Variants in CTTNBP2 observed in about 807,000 individuals in gnomAD.
CTTNBP2 encodes cortactin-binding protein 2.
Under a neutral mutation model 156.9 loss-of-function variants are expected in CTTNBP2, and 108 were observed. That is an observed-to-expected ratio of 0.69 (90% CI 0.59 to 0.81). The LOEUF (loss-of-function observed/expected upper bound fraction) is 0.81, where lower values mean the gene tolerates loss of function less well. CTTNBP2 is among the 30% of genes least tolerant of loss of function. The pLI, the probability that CTTNBP2 is intolerant of heterozygous loss-of-function variation, is 0.00. For synonymous variants in CTTNBP2, 767 were observed against 751.8 expected (o/e 1.02, Z -0.33); for missense variants, 1,924 against 2,035.4 (o/e 0.95, Z 1.05).
intron 8 of CTTNBP2, among the ~76,000 whole-genome samples, chr7:117,768,721 C>A (rs1198366305): frequency 2.0e-5 from 3 of 152,114 alleles, no homozygotes; most frequent in Admixed American, 2.0e-4. Context: ...ACTCCTCCAT[C>A]CCCCGCAGAG....
chr7:117,830,860 C>G (rs1001788793), intron 2 of CTTNBP2, among the ~76,000 whole-genome samples: 1 of 152,096 alleles, frequency 6.6e-6, no homozygotes, highest in South Asian at 2.1e-4. Context: ...AAGGTCATAA[C>G]AAGGATTTAT....
chr7:117,738,833 G>A (rs1418121617), intron 14 of CTTNBP2, among the ~76,000 whole-genome samples: 1 of 152,104 alleles, frequency 6.6e-6, no homozygotes, highest in African/African-American at 2.4e-5. Flanking sequence ...GGCATGCTGG[G>A]GTCTCTTGGA....
At chr7:117,744,064 T>G (rs1315279275) in intron 14 of CTTNBP2, among the ~76,000 whole-genome samples, 2 of 152,130 alleles carry the variant, frequency 1.3e-5, no homozygotes, top group Non-Finnish European at 2.9e-5. Context: ...TGTATTTGTG[T>G]GTCTATGAGG....
intron 2 of CTTNBP2, among the ~76,000 whole-genome samples, chr7:117,846,347 GT>G (rs1802586622): frequency 6.6e-6 from 1 of 152,082 alleles, no homozygotes; most frequent in Non-Finnish European, 1.5e-5. Flanking sequence ...ATATAAAACT[GT>G]TGTATAACTC....
intron 8 of CTTNBP2, among the ~76,000 whole-genome samples, chr7:117,776,867 G>C (rs1798130305): frequency 1.3e-5 from 2 of 152,208 alleles, no homozygotes; most frequent in Non-Finnish European, 2.9e-5. Context: ...AATGGCAAAA[G>C]TGATCCTTGC....
chr7:117,840,162 T>C (rs1802188160), intron 2 of CTTNBP2, among the ~76,000 whole-genome samples: 1 of 152,222 alleles, frequency 6.6e-6, no homozygotes, highest in Non-Finnish European at 1.5e-5. Flanking sequence ...ATCACAGTTT[T>C]AATGAATCCA....
chr7:117,772,453 A>G (rs372703725), intron 8 of CTTNBP2, among the ~76,000 whole-genome samples: 4 of 152,198 alleles, frequency 2.6e-5, no homozygotes, highest in African/African-American at 9.7e-5. Flanking sequence ...ATTGGCCAAG[A>G]AGCCTAAACA....
intron 2 of CTTNBP2, among the ~76,000 whole-genome samples, chr7:117,822,487 C>G (rs1363004993): frequency 6.6e-6 from 1 of 152,102 alleles, no homozygotes. Context: ...ACATCTTTCT[C>G]CTTTTCAATA....
intron 9 of CTTNBP2, among the ~76,000 whole-genome samples, chr7:117,761,583 A>G (rs1303476877): frequency 6.6e-6 from 1 of 152,242 alleles, no homozygotes; most frequent in Non-Finnish European, 1.5e-5. Context: ...TGAATCCTTT[A>G]GAGACAGTTT....
intron 2 of CTTNBP2, among the ~76,000 whole-genome samples, chr7:117,843,282 A>G (rs543456932): frequency 1.3e-5 from 2 of 152,308 alleles, no homozygotes; most frequent in East Asian, 3.9e-4. Flanking sequence ...CCTGAAACCA[A>G]TCCCCACTGA....
chr7:117,824,344 T>C (rs140106553), intron 2 of CTTNBP2, among the ~76,000 whole-genome samples: 192 of 152,332 alleles, frequency 1.3e-3, no homozygotes, highest in African/African-American at 4.2e-3. Flanking sequence ...TGTTCTGGTC[T>C]CTTTGAGGAA....
chr7:117,770,614 T>C (rs1191636879), intron 8 of CTTNBP2, among the ~76,000 whole-genome samples: 1 of 152,362 alleles, frequency 6.6e-6, no homozygotes, highest in Non-Finnish European at 1.5e-5. Flanking sequence ...GGGGCTATTA[T>C]GAGGGCTAAG....
At chr7:117,851,825 T>C (rs934037318) in intron 2 of CTTNBP2, among the ~76,000 whole-genome samples, 7 of 152,228 alleles carry the variant, frequency 4.6e-5, no homozygotes, top group Non-Finnish European at 7.3e-5. Flanking sequence ...TCAAGTCTCA[T>C]TATTTTGTCA....
At chr7:117,801,906 ATTT>A (rs201517444) in intron 3 of CTTNBP2, among the ~76,000 whole-genome samples, 1 of 151,910 alleles carries the variant, frequency 6.6e-6, no homozygotes, top group African/African-American at 2.4e-5. Context: ...TATTTTTTTT[ATTT>A]TTTTATTTTT....
At chr7:117,842,576 T>C (rs1221701580) in intron 2 of CTTNBP2, among the ~76,000 whole-genome samples, 1 of 151,928 alleles carries the variant, frequency 6.6e-6, no homozygotes, top group African/African-American at 2.4e-5. Context: ...CCAGGGTCCA[T>C]AGAAACATAT....
chr7:117,797,623 T>C (rs553803066), intron 3 of CTTNBP2, among the ~76,000 whole-genome samples: 1 of 152,218 alleles, frequency 6.6e-6, no homozygotes, highest in East Asian at 1.9e-4. Flanking sequence ...GAACCAAATG[T>C]ACAAACAGAA....
At position 117,734,897 on chromosome 7, in the gene CTTNBP2, A is replaced by C; in HGVS notation, c.3876+16T>G. 6.4e-7 allele frequency: 1 copy of C among 1,568,678 alleles called. No homozygotes were observed. Among genetic ancestry groups the C allele is most frequent in the African/African-American group, 1.4e-5 (1 of 73,768 alleles). ...CCCTGCTCTCCTGGCAACAGGCTGC[A>C]CTTGCTGTTTGTTACCTTATTCACA... On this transcript the variant is annotated intron_variant, in intron 16 of 22. Transcript: ENST00000160373.
intron 1 of CTTNBP2, among the ~76,000 whole-genome samples, chr7:117,865,726 C>CAGG (rs1804149365): frequency 6.8e-6 from 1 of 147,848 alleles, no homozygotes; most frequent in Admixed American, 6.8e-5. Flanking sequence ...TTCAATTCCA[C>CAGG]AGGCCACTCT....
chr7:117,743,985 G>A (rs910639917), intron 14 of CTTNBP2, among the ~76,000 whole-genome samples: 8 of 151,784 alleles, frequency 5.3e-5, no homozygotes, highest in African/African-American at 1.9e-4. Context: ...TATCCTCAGT[G>A]CTTCCCTAAA....
Sources: gnomAD v4.1 joint callset for allele counts (sites outside exome capture counted in the v4.1 genomes callset) on GRCh38, gnomAD v4.1.1 for gene constraint, MANE v1.5 for transcripts, NCBI Gene and HGNC (gene_info 2026-07-23, HGNC 2026-07-21) for gene names.